Variants in XPNPEP3 observed in about 807,000 individuals in gnomAD.
The protein encoded by XPNPEP3 is xaa-Pro aminopeptidase 3.
In XPNPEP3, 41 loss-of-function variants were observed where a neutral mutation model predicts 60.0. That is an observed-to-expected ratio of 0.68 (90% CI 0.53 to 0.89). The LOEUF is 0.89. XPNPEP3 is among the 40% of genes least tolerant of loss of function. The pLI, the probability that XPNPEP3 is intolerant of heterozygous loss-of-function variation, is 0.00. For synonymous variants in XPNPEP3, 212 were observed against 223.2 expected, an observed-to-expected ratio of 0.95 and a Z score of 0.45; for missense variants, 598 against 638.9, an observed-to-expected ratio of 0.94 and a Z score of 0.69.
At chr22:40,882,573 G>A (rs2058052657) in intron 3 of XPNPEP3, among the ~76,000 whole-genome samples, 2 of 151,972 alleles carry the variant, frequency 1.3e-5, no homozygotes, top group South Asian at 2.1e-4. Flanking sequence ...GGAGGTGGAG[G>A]TTGCAGTGAT....
chr22:40,923,430 C>T (rs184380131), intron 8 of XPNPEP3, among the ~76,000 whole-genome samples: 28 of 152,012 alleles, frequency 1.8e-4, no homozygotes, highest in Admixed American at 3.3e-4. Flanking sequence ...TACTAGATGC[C>T]TAAGTCAGAT....
chr22:40,857,154 C>A lies in XPNPEP3; in HGVS notation c.-28C>A. 2 of 1,613,744 alleles carry A rather than the reference C, an allele frequency of 1.2e-6. No individual in the cohort carries two copies. Among genetic ancestry groups the A allele is most frequent in the Non-Finnish European group, 1.7e-6 (2 of 1,179,806 alleles). ...TGCGTTCCCCGTCGTTACCCTCTTTCTCTTCCCGACGCGTGAGTTAGGCCG... is the reference window on the plus strand; with the variant it reads ...TGCGTTCCCCGTCGTTACCCTCTTTATCTTCCCGACGCGTGAGTTAGGCCG... On this transcript the variant is annotated 5_prime_UTR_variant, in exon 1 of 10. Coordinates refer to ENST00000357137, the MANE Select transcript of XPNPEP3 (RefSeq NM_022098.4).
At chr22:40,906,800 A>G (rs1384786521) in intron 4 of XPNPEP3, among the ~76,000 whole-genome samples, 1 of 152,260 alleles carries the variant, frequency 6.6e-6, no homozygotes, top group Non-Finnish European at 1.5e-5. Context: ...TATAAGCAAT[A>G]GAAATGTATT....
chr22:40,907,623 G>A lies in XPNPEP3; in HGVS notation c.829G>A (p.Val277Met), dbSNP rs370446850. 18 of 1,613,940 alleles carry A rather than the reference G, an allele frequency of 1.1e-5. No individual in the cohort carries two copies. The highest frequency in any genetic ancestry group is 1.5e-5 in the Non-Finnish European group (18 of 1,179,990). Reference protein sequence around the residue: ...IETMFTSKAPVEEAFLYAKFE... With the variant: ...IETMFTSKAPMEEAFLYAKFE... Reference sequence around the variant, plus strand: ...AACCATGTTCACCAGTAAAGCCCCTGTGGAAGAAGCCTTTCTTTATGCTAA... The same window carrying A: ...AACCATGTTCACCAGTAAAGCCCCTATGGAAGAAGCCTTTCTTTATGCTAA... The change falls in exon 5 of 10, where the codon GTG becomes ATG. Residue 277 changes from valine (V) to methionine (M), a missense_variant. Physicochemically the swap from Val to Met is conservative, Grantham distance 21. Coordinates refer to ENST00000357137, the MANE Select transcript of XPNPEP3 (RefSeq NM_022098.4).
At chr22:40,910,004 C>T (rs183782594) in intron 6 of XPNPEP3, among the ~76,000 whole-genome samples, 1 of 151,744 alleles carries the variant, frequency 6.6e-6, no homozygotes, top group Non-Finnish European at 1.5e-5. Context: ...TGATTTTCTT[C>T]CCATGTGACT....
At chr22:40,917,683 G>A (rs2058201011) in intron 7 of XPNPEP3, 1 of 150,424 alleles carries the variant, frequency 6.6e-6, no homozygotes, top group Non-Finnish European at 1.5e-5. Context: ...TTGAGCCCAG[G>A]AGTTCCAGAC....
intron 2 of XPNPEP3, among the ~76,000 whole-genome samples, chr22:40,875,311 A>C (rs562805773): frequency 6.6e-6 from 1 of 152,288 alleles, no homozygotes; most frequent in South Asian, 2.1e-4. Flanking sequence ...CTAGGACTAC[A>C]GGCATAAGCC....
chr22:40,925,588 G>C (rs1322417454), intron 9 of XPNPEP3, among the ~76,000 whole-genome samples: 1 of 152,272 alleles, frequency 6.6e-6, no homozygotes, highest in East Asian at 1.9e-4. Flanking sequence ...AGCAGTATCT[G>C]TGAGGATAGT....
intron 6 of XPNPEP3, among the ~76,000 whole-genome samples, chr22:40,913,235 C>G (rs1017242253): frequency 2.6e-5 from 4 of 151,858 alleles, no homozygotes; most frequent in African/African-American, 9.7e-5. Context: ...CTTTGGGAGG[C>G]CGAGGCAGGC....
chr22:40,861,948 G>A (rs908006754), intron 1 of XPNPEP3: 1 of 1,611,000 alleles, frequency 6.2e-7, no homozygotes, highest in Non-Finnish European at 8.5e-7. Context: ...AATGTCCTCA[G>A]GTGAAGCATA....
intron 4 of XPNPEP3, chr22:40,888,463 C>A: frequency 2.4e-6 from 1 of 422,418 alleles, no homozygotes; most frequent in Non-Finnish European, 4.8e-6. Context: ...AGGCTAGTCT[C>A]GAACTCCTGA....
At position 40,881,846 on chromosome 22, in the gene XPNPEP3, A is replaced by T; in HGVS notation, c.258A>T (p.Glu86Asp). 2 of 1,614,208 alleles carry T rather than the reference A, an allele frequency of 1.2e-6. No individual in the cohort carries two copies. The highest frequency in any genetic ancestry group is 1.7e-6 in the Non-Finnish European group (2 of 1,180,038). The change falls in exon 3 of 10, where the codon GAA (glutamate) becomes GAT (aspartate). Residue 86 changes from glutamate (E) to aspartate (D), a missense_variant. Transcript: ENST00000357137. ...AACTAATGTCTCTGATCCAGAAGGA[A>T]GCTCAAGGGCAGAGTGGGACAGACC... Reference protein sequence around the residue: ...RHKLMSLIQKEAQGQSGTDQT... With the variant: ...RHKLMSLIQKDAQGQSGTDQT...
chr22:40,909,309 C>T, intron 6 of XPNPEP3, 74 bp downstream of exon 6: 4 of 1,140,810 alleles, frequency 3.5e-6, no homozygotes, highest in Non-Finnish European at 1.3e-6. Flanking sequence ...ACCTCATGTC[C>T]TCTCACCTTC....
chr22:40,902,072 T>TC (rs1491583006), intron 4 of XPNPEP3, among the ~76,000 whole-genome samples: 1 of 121,668 alleles, frequency 8.2e-6, no homozygotes, highest in Admixed American at 7.8e-5. Flanking sequence ...CTTTTCCTTC[T>TC]TTTTTTTTTT....
In XPNPEP3 at chr22:40,926,490, C is replaced by T; in HGVS notation, c.*55C>T. On this transcript the variant is annotated 3_prime_UTR_variant, in exon 10 of 10. Coordinates refer to ENST00000357137, the MANE Select transcript of XPNPEP3 (RefSeq NM_022098.4). ...TTCAAAATGGGTGTCTTCTGGCAGCCCTGCACGTGTGCTTTCTGAGTGTCT... is the reference window on the plus strand; with the variant it reads ...TTCAAAATGGGTGTCTTCTGGCAGCTCTGCACGTGTGCTTTCTGAGTGTCT... The T allele has an allele frequency of 6.3e-7, 1 of 1,596,614 alleles. No homozygotes were observed.
At chr22:40,881,083 T>A (rs2058046096) in intron 2 of XPNPEP3, among the ~76,000 whole-genome samples, 1 of 152,108 alleles carries the variant, frequency 6.6e-6, no homozygotes, top group Admixed American at 6.6e-5. Context: ...TCTTGCTTTG[T>A]CGCGTAGACT....
At chr22:40,859,215 G>A (rs912018769) in intron 1 of XPNPEP3, among the ~76,000 whole-genome samples, 1 of 152,192 alleles carries the variant, frequency 6.6e-6, no homozygotes, top group African/African-American at 2.4e-5. Context: ...TGAGTACAAG[G>A]AGCTGATAGG....
intron 1 of XPNPEP3, chr22:40,861,822 T>C: frequency 6.2e-7 from 1 of 1,611,940 alleles, no homozygotes; most frequent in Non-Finnish European, 8.5e-7. Context: ...TTTCTCATCA[T>C]TTGATAATAC....
At chr22:40,862,021 G>A (rs753960771) in intron 1 of XPNPEP3, 1 of 1,558,886 alleles carries the variant, frequency 6.4e-7, no homozygotes, top group Admixed American at 2.0e-5. Context: ...GGAAGTGGGT[G>A]TGCTGGGTAT....
Sources: allele counts gnomAD v4.1 joint callset (sites outside exome capture counted in the v4.1 genomes callset), GRCh38; gene constraint gnomAD v4.1.1; transcripts MANE v1.5; gene names NCBI Gene and HGNC (gene_info 2026-07-23, HGNC 2026-07-21).